Variants in VPS13B observed in about 807,000 individuals in gnomAD.
VPS13B encodes vacuolar protein sorting 13 homolog B, also known as intermembrane lipid transfer protein VPS13B.
In VPS13B, 285 loss-of-function variants were observed where a neutral mutation model predicts 426.4. The ratio of observed to expected loss-of-function variants is 0.67; its 90% CI spans 0.61 to 0.74. The LOEUF (loss-of-function observed/expected upper bound fraction) is 0.74. Among genes scored for constraint, VPS13B ranks in the 30% least tolerant of loss-of-function variants. VPS13B has a pLI of 0.00. For synonymous variants in VPS13B, 1,676 were observed against 1,676.4 expected (o/e 1.00, Z 0.01); for missense variants, 4,537 against 4,782.6 (o/e 0.95, Z 1.51).
chr8:99,748,985 G>A (rs1319259493), intron 39 of VPS13B, among the ~76,000 whole-genome samples: 1 of 151,820 alleles, frequency 6.6e-6, no homozygotes, highest in African/African-American at 2.4e-5. Flanking sequence ...GGAAATTGCT[G>A]ACAAACTATA....
intron 36 of VPS13B, among the ~76,000 whole-genome samples, chr8:99,707,299 T>C (rs1832532984): frequency 6.6e-6 from 1 of 152,136 alleles, no homozygotes; most frequent in African/African-American, 2.4e-5. Context: ...CAAAAATATT[T>C]AATTTATAGG....
chr8:99,193,760 G>T (rs958851128), intron 17 of VPS13B, among the ~76,000 whole-genome samples: 1 of 152,050 alleles, frequency 6.6e-6, no homozygotes. Context: ...TGCTTTTGAA[G>T]GTTTTAATTT....
At chr8:99,842,908 T>A (rs1273414311) in intron 54 of VPS13B, among the ~76,000 whole-genome samples, 2 of 152,106 alleles carry the variant, frequency 1.3e-5, no homozygotes, top group African/African-American at 2.4e-5. Flanking sequence ...ATCCCAGCAC[T>A]TTGGGAGATT....
intron 17 of VPS13B, among the ~76,000 whole-genome samples, chr8:99,257,530 C>G (rs1271553726): frequency 6.6e-6 from 1 of 151,178 alleles, no homozygotes; most frequent in African/African-American, 2.4e-5. Context: ...CCAACTCCTT[C>G]CAAACAGACG....
At chr8:99,647,128 G>C (rs757825626) in intron 34 of VPS13B, among the ~76,000 whole-genome samples, 3 of 151,586 alleles carry the variant, frequency 2.0e-5, no homozygotes, top group Non-Finnish European at 2.9e-5. Flanking sequence ...AATAACATTT[G>C]ATTATTAAAA....
intron 40 of VPS13B, among the ~76,000 whole-genome samples, chr8:99,768,518 TA>T (rs1402374446): frequency 1.3e-5 from 2 of 152,236 alleles, no homozygotes; most frequent in Non-Finnish European, 2.9e-5. Context: ...ATTTGGAAAA[TA>T]AAACAATACT....
At chr8:99,614,370 C>T (rs373707320) in intron 33 of VPS13B, among the ~76,000 whole-genome samples, 10 of 152,138 alleles carry the variant, frequency 6.6e-5, no homozygotes, top group Admixed American at 2.6e-4. Context: ...CTCCGCCTCC[C>T]GGGTTCAAGC....
intron 30 of VPS13B, among the ~76,000 whole-genome samples, chr8:99,552,338 G>A (rs981155827): frequency 3.3e-5 from 5 of 152,040 alleles, no homozygotes; most frequent in African/African-American, 1.2e-4. Context: ...CATTTCACTT[G>A]GAACCTGATC....
intron 23 of VPS13B, among the ~76,000 whole-genome samples, chr8:99,446,700 GT>G (rs1484917933): frequency 1.3e-5 from 2 of 152,064 alleles, no homozygotes; most frequent in East Asian, 3.9e-4. Context: ...ATTTTTCAAT[GT>G]CAACTGTATG....
chr8:99,865,997 C>T (rs376446571), intron 58 of VPS13B, among the ~76,000 whole-genome samples: 2 of 152,214 alleles, frequency 1.3e-5, no homozygotes, highest in Non-Finnish European at 2.9e-5. Context: ...CCTTCCAAGG[C>T]ACAACAGGCA....
At chr8:99,606,462 C>T (rs1588543359) in intron 33 of VPS13B, among the ~76,000 whole-genome samples, 1 of 115,944 alleles carries the variant, frequency 8.6e-6, no homozygotes. Flanking sequence ...CTCAGGAATT[C>T]AAGAGCAGCC....
chr8:99,763,609 G>A (rs1178460023), intron 39 of VPS13B, among the ~76,000 whole-genome samples: 1 of 152,166 alleles, frequency 6.6e-6, no homozygotes, highest in Non-Finnish European at 1.5e-5. Context: ...GAGATAGGTG[G>A]TATTCTATTT....
chr8:99,861,693 G>A, intron 57 of VPS13B, 83 bp from the exon 58 acceptor site: 1 of 1,530,594 alleles, frequency 6.5e-7, no homozygotes, highest in Non-Finnish European at 8.9e-7. Context: ...GGCCACAGGT[G>A]CTCCCGCTGC....
chr8:99,064,639 A>T (rs964335691), intron 3 of VPS13B, among the ~76,000 whole-genome samples: 1 of 152,236 alleles, frequency 6.6e-6, no homozygotes, highest in African/African-American at 2.4e-5. Context: ...TGATTAGTGT[A>T]CCTGAAAGTG....
chr8:99,582,460 G>A (rs976849624), intron 33 of VPS13B, among the ~76,000 whole-genome samples: 1 of 151,834 alleles, frequency 6.6e-6, no homozygotes, highest in African/African-American at 2.4e-5. Flanking sequence ...GTTAATAAGG[G>A]TTCTATCTCT....
At chr8:99,463,078 T>G (rs898925010) in intron 23 of VPS13B, among the ~76,000 whole-genome samples, 37 of 152,062 alleles carry the variant, frequency 2.4e-4, no homozygotes, top group Admixed American at 2.4e-3. Context: ...GTAGTAGGAG[T>G]CTTCAATACC....
intron 39 of VPS13B, among the ~76,000 whole-genome samples, chr8:99,725,552 C>A (rs771695565): frequency 1.3e-4 from 20 of 152,138 alleles, no homozygotes; most frequent in Non-Finnish European, 2.8e-4. Flanking sequence ...AAATTGTCTT[C>A]TATGAAACCG....
intron 19 of VPS13B, among the ~76,000 whole-genome samples, chr8:99,365,283 C>T (rs1472108465): frequency 3.3e-5 from 5 of 149,908 alleles, no homozygotes; most frequent in Admixed American, 3.3e-4. Flanking sequence ...CTGCTCTGAT[C>T]TTTATTATTT....
At chr8:99,595,935 G>GA (rs1826987310) in intron 33 of VPS13B, among the ~76,000 whole-genome samples, 2 of 151,890 alleles carry the variant, frequency 1.3e-5, no homozygotes, top group African/African-American at 4.8e-5. Context: ...AACCATCTAG[G>GA]AAATGCAAAT....
Sources: allele counts gnomAD v4.1 joint callset (sites outside exome capture counted in the v4.1 genomes callset), GRCh38; gene constraint gnomAD v4.1.1; transcripts MANE v1.5; gene names NCBI Gene and HGNC (gene_info 2026-07-23, HGNC 2026-07-21).